Variants in CRYBG1 observed in about 807,000 individuals in gnomAD.
CRYBG1 encodes the protein beta/gamma crystallin domain-containing protein 1.
A neutral mutation model predicts 189.2 loss-of-function variants in CRYBG1; 139 were observed. The observed-to-expected ratio is 0.73, with a 90% CI of 0.64 to 0.85. The LOEUF (loss-of-function observed/expected upper bound fraction) is 0.85, where lower values mean the gene tolerates loss of function less well. Among genes scored for constraint, CRYBG1 ranks in the 40% least tolerant of loss-of-function variants. The pLI is 0.00. For synonymous variants in CRYBG1, 1,023 were observed against 1,017.1 expected (o/e 1.01, Z -0.11); for missense variants, 2,611 against 2,675.8 (o/e 0.98, Z 0.53).
At chr6:106,381,058 G>T (rs1344845801) in intron 1 of CRYBG1, among the ~76,000 whole-genome samples, 1 of 152,124 alleles carries the variant, frequency 6.6e-6, no homozygotes, top group African/African-American at 2.4e-5. Context: ...GCTATTTCAA[G>T]AAATCTCTTA....
intron 3 of CRYBG1, among the ~76,000 whole-genome samples, chr6:106,515,713 T>C (rs1207654780): frequency 1.3e-5 from 2 of 152,006 alleles, no homozygotes; most frequent in East Asian, 1.9e-4. Context: ...TATGGAGATA[T>C]TGGGGAAAGC....
rs111327012 is a variant in CRYBG1, at chr6:106,503,210, A to G, written c.313-8220A>G. ...GCCTCCCACTGGCTGAACCTAACCA[A>G]ATCCTAAGGACAAGAAAGTCAGTTT... On this transcript the variant is annotated intron_variant, in intron 2 of 21. Coordinates refer to ENST00000633556, the MANE Select transcript of CRYBG1 (RefSeq NM_001371242.2). 1.7e-3 allele frequency among the ~76,000 whole-genome samples: 263 copies of G among 152,298 alleles called. 3 individuals are homozygous for G. The highest frequency in any genetic ancestry group is 6.1e-3 in the African/African-American group (255 of 41,566).
intron 20 of CRYBG1, among the ~76,000 whole-genome samples, chr6:106,563,202 C>T (rs1267792201): frequency 6.6e-6 from 1 of 152,194 alleles, no homozygotes; most frequent in African/African-American, 2.4e-5. Context: ...TTAAAACACC[C>T]TCTAGTGAGT....
At chr6:106,443,278 T>G (rs1279422388) in intron 1 of CRYBG1, among the ~76,000 whole-genome samples, 1 of 152,188 alleles carries the variant, frequency 6.6e-6, no homozygotes, top group Non-Finnish European at 1.5e-5. Context: ...ACTAAAAGAA[T>G]GATAGTGTGA....
At chr6:106,407,204 T>C (rs1770843266) in intron 1 of CRYBG1, among the ~76,000 whole-genome samples, 1 of 88,788 alleles carries the variant, frequency 1.1e-5, no homozygotes, top group South Asian at 5.0e-4. Flanking sequence ...ACCAAGAATA[T>C]GGAAAGCAAA....
Position 106,565,377 on chromosome 6 carries a change from A to G in CRYBG1, c.6301+1451A>G, listed in dbSNP as rs187721428. On this transcript the variant is annotated intron_variant, in intron 21 of 21. Coordinates refer to ENST00000633556, the MANE Select transcript of CRYBG1 (RefSeq NM_001371242.2). ...GCTGTAATCTGATTTTTAAAAAACAACTTTTCTGGATAATGGAGAACGAAT... is the reference window on the plus strand; with the variant it reads ...GCTGTAATCTGATTTTTAAAAAACAGCTTTTCTGGATAATGGAGAACGAAT... 1.9e-3 allele frequency among the ~76,000 whole-genome samples: 296 copies of G among 152,250 alleles called. 1 individual carries two copies. Among genetic ancestry groups the G allele is most frequent in the Admixed American group, 3.9e-3 (59 of 15,284 alleles).
chr6:106,529,870 A>C (rs895061205), intron 7 of CRYBG1, among the ~76,000 whole-genome samples: 1 of 152,220 alleles, frequency 6.6e-6, no homozygotes, highest in Non-Finnish European at 1.5e-5. Context: ...CCCCAGACCA[A>C]AGAGGACCAA....
At chr6:106,419,312 AC>A (rs112050221) in intron 1 of CRYBG1, among the ~76,000 whole-genome samples, 2 of 152,336 alleles carry the variant, frequency 1.3e-5, no homozygotes, top group African/African-American at 4.8e-5. Context: ...TAACTGCCTA[AC>A]TTCTTTTTAA....
In CRYBG1 at chr6:106,436,895, A is replaced by G. The variant is rs368764548; in HGVS notation, c.174-14799A>G. On this transcript the variant is annotated intron_variant, in intron 1 of 21. Coordinates refer to ENST00000633556, the MANE Select transcript of CRYBG1 (RefSeq NM_001371242.2). The stretch of plus-strand genomic sequence containing the variant: ...AATAAATTGCTTACTAAAAGACTGT[A>G]GCAATTAATATAACCCCCCCCACCC... Among the ~76,000 whole-genome samples the G allele has an allele frequency of 3.6e-5, 5 of 138,736 alleles. No homozygotes were observed. In the East Asian group the frequency reaches 1.1e-3, roughly 31 times the overall value. 91.0% of individuals were successfully genotyped at this position (138,736 alleles called of 152,430 possible).
intron 10 of CRYBG1, 39 bp from the exon 11 acceptor site, chr6:106,543,401 C>T (rs1367888349): frequency 2.6e-6 from 4 of 1,556,636 alleles, no homozygotes; most frequent in African/African-American, 1.4e-5. Context: ...TGTTGGGATA[C>T]TTCTTACAGA....
chr6:106,519,724 C>G lies in CRYBG1; in HGVS notation c.2516C>G (p.Pro839Arg), dbSNP rs1773538349. 6.2e-7 allele frequency: 1 copy of G among 1,614,068 alleles called. No homozygotes were observed. The highest frequency in any genetic ancestry group is 1.3e-5 in the African/African-American group (1 of 74,924). ...ENVTDTAQDI[P>R]TTVDTKDLPP... ...GTAACCGATACAGCACAAGACATCC[C>G]CACCACTGTGGATACCAAAGATTTA... Residue 839 changes from proline to arginine, a missense_variant, in exon 4 of 22, where the codon CCC (proline) becomes CGC (arginine). By Grantham distance (103) the Pro-to-Arg change is moderately radical. This residue lies in a region of CRYBG1 where 1,622 missense variants were observed against 1,735.0 expected (regional missense o/e 0.93). Coordinates refer to ENST00000633556, the MANE Select transcript of CRYBG1 (RefSeq NM_001371242.2).
At chr6:106,476,541 G>A (rs933334171) in intron 2 of CRYBG1, among the ~76,000 whole-genome samples, 6 of 152,178 alleles carry the variant, frequency 3.9e-5, no homozygotes, top group Non-Finnish European at 7.3e-5. Flanking sequence ...ACTAAGGAAT[G>A]ACACAGCTAT....
chr6:106,555,231 T>C (rs1039421978), intron 16 of CRYBG1, among the ~76,000 whole-genome samples: 23 of 149,738 alleles, frequency 1.5e-4, no homozygotes, highest in Non-Finnish European at 3.0e-4. Flanking sequence ...TAGGGGAGCA[T>C]GGCAAATCAC....
intron 2 of CRYBG1, among the ~76,000 whole-genome samples, chr6:106,481,715 G>A (rs1399371046): frequency 2.6e-5 from 4 of 152,178 alleles, no homozygotes; most frequent in African/African-American, 4.8e-5. Flanking sequence ...GGGAAATGAG[G>A]CTGGGGTATT....
rs529659936 is a variant in CRYBG1 at position 106,392,227 on chromosome 6, T to C, written c.173+31146T>C. On this transcript the variant is annotated intron_variant, in intron 1 of 21. Coordinates refer to ENST00000633556, the MANE Select transcript of CRYBG1 (RefSeq NM_001371242.2). Reference sequence around the variant, plus strand: ...CCAATCTTTTCTTTGGCTTGTTCAATATATAAATTGCCCTTTGCTCCCCAA... The same window carrying C: ...CCAATCTTTTCTTTGGCTTGTTCAACATATAAATTGCCCTTTGCTCCCCAA... Among the ~76,000 whole-genome samples, 4 of 152,180 alleles carry C rather than the reference T, an allele frequency of 2.6e-5. No homozygotes were observed. The South Asian group carries it at 8.3e-4, about 32-fold the overall frequency.
At chr6:106,524,870 A>G (rs1028010361) in intron 4 of CRYBG1, among the ~76,000 whole-genome samples, 2 of 152,200 alleles carry the variant, frequency 1.3e-5, no homozygotes, top group African/African-American at 2.4e-5. Flanking sequence ...TGTGCCCTGA[A>G]TTTTCTAGCA....
chr6:106,450,177 C>T (rs1266880949), intron 1 of CRYBG1, among the ~76,000 whole-genome samples: 1 of 148,960 alleles, frequency 6.7e-6, no homozygotes, highest in Non-Finnish European at 1.5e-5. Context: ...GAGATCATGC[C>T]ACTGCACTCC....
At chr6:106,566,725 C>T (rs560149601) in intron 21 of CRYBG1, among the ~76,000 whole-genome samples, 8 of 152,072 alleles carry the variant, frequency 5.3e-5, no homozygotes, top group South Asian at 2.1e-4. Flanking sequence ...GAGAGAGCAG[C>T]GCCGCACGTC....
intron 4 of CRYBG1, among the ~76,000 whole-genome samples, chr6:106,524,624 A>T (rs939799897): frequency 1.3e-5 from 2 of 152,240 alleles, no homozygotes; most frequent in Non-Finnish European, 2.9e-5. Flanking sequence ...TATACCATAT[A>T]TACCATAAAC....
Sources: allele counts gnomAD v4.1 joint callset (sites outside exome capture counted in the v4.1 genomes callset), GRCh38; gene constraint gnomAD v4.1.1; regional missense constraint gnomAD v4.1.1; transcripts MANE v1.5; gene names NCBI Gene and HGNC (gene_info 2026-07-23, HGNC 2026-07-21).